Variants in CNTLN observed in about 807,000 individuals in gnomAD.
CNTLN encodes the protein centlein.
Under a neutral mutation model 180.0 loss-of-function variants are expected in CNTLN, and 212 were observed. The ratio of observed to expected loss-of-function variants is 1.18; its 90% CI spans 1.05 to 1.32. CNTLN has a LOEUF of 1.32. Ranked by LOEUF, CNTLN falls within the 40% of genes most tolerant of loss-of-function variation. CNTLN has a pLI of 0.00. For synonymous variants in CNTLN, 722 were observed against 563.1 expected, an observed-to-expected ratio of 1.28 and a Z score of -3.99; for missense variants, 2,095 against 1,610.9, an observed-to-expected ratio of 1.30 and a Z score of -5.14.
intron 5 of CNTLN, among the ~76,000 whole-genome samples, chr9:17,238,996 T>C (rs1362008472): frequency 6.6e-6 from 1 of 152,190 alleles, no homozygotes; most frequent in East Asian, 1.9e-4. Flanking sequence ...CTTTTTGTTA[T>C]AGCCACCTCA....
chr9:17,248,115 T>C (rs1017160735), intron 5 of CNTLN, among the ~76,000 whole-genome samples: 2 of 152,220 alleles, frequency 1.3e-5, no homozygotes, highest in African/African-American at 4.8e-5. Flanking sequence ...CGTGAGCCAC[T>C]GCACCCAGCC....
At chr9:17,139,889 G>A (rs1817968956) in intron 1 of CNTLN, among the ~76,000 whole-genome samples, 1 of 152,064 alleles carries the variant, frequency 6.6e-6, no homozygotes, top group African/African-American at 2.4e-5. Flanking sequence ...ATTTTTTGTA[G>A]AGATGGGGTC....
intron 2 of CNTLN, among the ~76,000 whole-genome samples, chr9:17,161,410 C>G (rs981841597): frequency 6.6e-6 from 1 of 152,018 alleles, no homozygotes; most frequent in Non-Finnish European, 1.5e-5. Flanking sequence ...AAGAGTACAA[C>G]CACTGTATTT....
At chr9:17,190,332 A>C (rs1333073478) in intron 2 of CNTLN, among the ~76,000 whole-genome samples, 1 of 151,872 alleles carries the variant, frequency 6.6e-6, no homozygotes, top group Admixed American at 6.6e-5. Context: ...TATGACTAGA[A>C]GTTAATTCAG....
chr9:17,291,516 T>G (rs1036475169), intron 6 of CNTLN, among the ~76,000 whole-genome samples: 1 of 152,208 alleles, frequency 6.6e-6, no homozygotes, highest in African/African-American at 2.4e-5. Context: ...ATATTTAGGA[T>G]AGTTAGCAGT....
intron 18 of CNTLN, chr9:17,447,441 G>A (rs754735092): frequency 2.4e-5 from 4 of 163,842 alleles, no homozygotes; most frequent in Non-Finnish European, 5.4e-5. Flanking sequence ...GTTGCGGTCC[G>A]CTGGCCCAGC....
intron 6 of CNTLN, among the ~76,000 whole-genome samples, chr9:17,294,956 T>C (rs1301386909): frequency 2.8e-5 from 4 of 144,440 alleles, no homozygotes; most frequent in African/African-American, 7.7e-5. Flanking sequence ...CATGGTGGGC[T>C]GCAGGTCCCC....
intron 18 of CNTLN, among the ~76,000 whole-genome samples, chr9:17,428,772 A>G (rs920236378): frequency 1.3e-4 from 19 of 151,990 alleles, no homozygotes; most frequent in African/African-American, 4.6e-4. Flanking sequence ...TTACTATGCA[A>G]TGTTTCAAAT....
chr9:17,488,060 C>A (rs1440670220), intron 25 of CNTLN, among the ~76,000 whole-genome samples: 1 of 152,026 alleles, frequency 6.6e-6, no homozygotes, highest in Non-Finnish European at 1.5e-5. Flanking sequence ...GTAAATGTTT[C>A]TGTGTAAAGA....
chr9:17,351,189 C>G (rs992740693), intron 12 of CNTLN, among the ~76,000 whole-genome samples: 4 of 152,188 alleles, frequency 2.6e-5, no homozygotes, highest in Admixed American at 1.3e-4. Context: ...CCATTGCCAG[C>G]TTTTCCCCCT....
Position 17,276,669 on chromosome 9 carries a change from C to A in CNTLN, c.983+2803C>A, listed in dbSNP as rs192655131. Among the ~76,000 whole-genome samples, 4 of 151,876 alleles carry A rather than the reference C, an allele frequency of 2.6e-5. No individual in the cohort carries two copies. In the East Asian group the frequency reaches 5.8e-4, roughly 22 times the overall value. ...GTATCTGTGGGGGATTGGTTTCAGG[C>A]CTCAATATGGATACTAAAATCTACA... On this transcript the variant is annotated intron_variant, in intron 6 of 25. Transcript: ENST00000380647.
chr9:17,382,492 CT>C (rs1475220560), intron 13 of CNTLN, among the ~76,000 whole-genome samples: 1 of 152,252 alleles, frequency 6.6e-6, no homozygotes, highest in South Asian at 2.1e-4. Context: ...AAGGCAAAAA[CT>C]TTTCAACATC....
intron 2 of CNTLN, among the ~76,000 whole-genome samples, chr9:17,180,346 TTATTATATTA>T (rs57685282): frequency 0.041 from 5,939 of 145,592 alleles, 406 homozygotes; most frequent in African/African-American, 0.14. Flanking sequence ...GTTGCTCTAA[TTATTATATTA>T]TATTATATTA....
chr9:17,404,407 C>T (rs2133806736), intron 15 of CNTLN, among the ~76,000 whole-genome samples: 1 of 151,754 alleles, frequency 6.6e-6, no homozygotes, highest in South Asian at 2.1e-4. Flanking sequence ...TTTGAGAGTC[C>T]TGATGCCGAA....
At chr9:17,496,048 C>T (rs1042849999) in intron 25 of CNTLN, among the ~76,000 whole-genome samples, 1 of 152,126 alleles carries the variant, frequency 6.6e-6, no homozygotes, top group African/African-American at 2.4e-5. Context: ...AAATGCATCC[C>T]TATTGCTAAG....
intron 15 of CNTLN, among the ~76,000 whole-genome samples, chr9:17,406,130 C>T (rs1175726421): frequency 3.3e-5 from 5 of 151,838 alleles, no homozygotes; most frequent in Admixed American, 2.6e-4. Flanking sequence ...ATAATTCTAT[C>T]TTTACAGTTG....
At chr9:17,298,662 G>A in intron 7 of CNTLN, 4 of 1,021,996 alleles carry the variant, frequency 3.9e-6, no homozygotes, top group Non-Finnish European at 4.7e-6. Context: ...AAACTGGAAT[G>A]GAATTCCTCG....
At chr9:17,469,610 T>A in intron 23 of CNTLN, among the ~76,000 whole-genome samples, 1 of 151,906 alleles carries the variant, frequency 6.6e-6, no homozygotes. Context: ...TCCTCCTTTT[T>A]AAATACTTAA....
chr9:17,380,163 T>A (rs1248300135), intron 13 of CNTLN, among the ~76,000 whole-genome samples: 2 of 152,162 alleles, frequency 1.3e-5, no homozygotes, highest in African/African-American at 4.8e-5. Context: ...TGGATCAACA[T>A]AGAAATGAGG....
Sources: gnomAD v4.1 joint callset for allele counts (sites outside exome capture counted in the v4.1 genomes callset) on GRCh38, gnomAD v4.1.1 for gene constraint, MANE v1.5 for transcripts, NCBI Gene and HGNC (gene_info 2026-07-23, HGNC 2026-07-21) for gene names.